Variants in PARVB observed in about 807,000 individuals in gnomAD.
PARVB encodes the protein beta-parvin.
A neutral mutation model predicts 47.0 loss-of-function variants in PARVB; 46 were observed. The observed-to-expected ratio is 0.98, with a 90% confidence interval of 0.77 to 1.25. The LOEUF is 1.25. Among genes scored for constraint, PARVB ranks in the 50% most tolerant of loss-of-function variants. PARVB has a pLI of 0.00. For missense variants in PARVB, 473 were observed against 471.6 expected (o/e 1.00, Z -0.03); for synonymous variants, 196 against 196.3 (o/e 1.00, Z 0.01).
intron 1 of PARVB, among the ~76,000 whole-genome samples, chr22:44,050,601 G>T (rs1030093316): frequency 6.6e-6 from 1 of 152,102 alleles, no homozygotes. Flanking sequence ...GCCTCCTAAA[G>T]TGCTGGGACT....
intron 9 of PARVB, chr22:44,150,759 A>G (rs1220614955): frequency 6.6e-6 from 1 of 152,228 alleles, no homozygotes; most frequent in Non-Finnish European, 1.5e-5. Flanking sequence ...GCAGTGGCTC[A>G]CGCCTATAAT....
At chr22:44,012,221 G>A (rs925088589) in intron 2 of PARVB, among the ~76,000 whole-genome samples, 2 of 152,172 alleles carry the variant, frequency 1.3e-5, no homozygotes, top group Non-Finnish European at 2.9e-5. Flanking sequence ...GGAACAAAAC[G>A]CATATGTGGT....
intron 2 of PARVB, among the ~76,000 whole-genome samples, chr22:44,016,490 G>A (rs553141015): frequency 3.6e-4 from 55 of 152,080 alleles, no homozygotes; most frequent in Non-Finnish European, 5.7e-4. Flanking sequence ...AATGAATCTC[G>A]GGTATCACCC....
In PARVB at chr22:44,068,369, G is replaced by A. The variant is rs968691211; in HGVS notation, c.113-25559G>A. On this transcript the variant is annotated intron_variant, in intron 1 of 12. Transcript: ENST00000338758. The surrounding 1 kb of genome is among the most constrained non-coding windows in gnomAD (Gnocchi z 4.1). Reference sequence around the variant, plus strand: ...CTGGTAGGGAGGGGCTGGGCCTGGTGTTATAAACCAGGAGAGGGTTCAGGC... The same window carrying A: ...CTGGTAGGGAGGGGCTGGGCCTGGTATTATAAACCAGGAGAGGGTTCAGGC... 1.1e-4 allele frequency among the ~76,000 whole-genome samples: 16 copies of A among 152,160 alleles called. No individual in the cohort carries two copies. The highest frequency in any genetic ancestry group is 1.9e-4 in the Non-Finnish European group (13 of 68,036).
At chr22:44,009,410 AATC>A (rs1369544192) in intron 2 of PARVB, 1 of 149,502 alleles carries the variant, frequency 6.7e-6, no homozygotes, top group Admixed American at 6.6e-5. Flanking sequence ...TCAGTTTTGA[AATC>A]AGTTTTGAAA....
In PARVB at chr22:44,103,543, C is replaced by A. The variant is rs1569115819; in HGVS notation, c.273+3420C>A. ...AGGGAACCTGGGCCAGAATCATGGT[C>A]CCCAAAGATGACCATGTGATAATCC... is the stretch of plus-strand genomic sequence containing the variant. On this transcript the variant is annotated intron_variant, in intron 3 of 12. Coordinates refer to ENST00000338758, the MANE Select transcript of PARVB (RefSeq NM_013327.5). This position sits in a 1 kb window ranked among gnomAD's most constrained non-coding sequence, Gnocchi z 4.6. 1.3e-5 allele frequency: 2 copies of A among 152,294 alleles called. No individual in the cohort carries two copies. Among genetic ancestry groups the A allele is most frequent in the South Asian group, 4.1e-4 (2 of 4,820 alleles). The allele number at this position is 152,294 out of a possible 1,614,324, so 9.4% of individuals were successfully genotyped here.
chr22:44,163,281 C>A (rs1182872660), intron 11 of PARVB, among the ~76,000 whole-genome samples: 1 of 152,106 alleles, frequency 6.6e-6, no homozygotes, highest in Non-Finnish European at 1.5e-5. Flanking sequence ...ACTAGCCTGA[C>A]CAACATGGCA....
chr22:44,012,645 G>T (rs1037379115), intron 2 of PARVB, among the ~76,000 whole-genome samples: 1 of 152,012 alleles, frequency 6.6e-6, no homozygotes, highest in African/African-American at 2.4e-5. Flanking sequence ...TTTCTCCATC[G>T]CACATCAATT....
intron 8 of PARVB, chr22:44,146,626 C>T (rs1363157927): frequency 1.3e-5 from 2 of 152,374 alleles, no homozygotes; most frequent in African/African-American, 2.4e-5. Flanking sequence ...AACTTCTCTC[C>T]GTAGGTCTCT....
At position 44,171,020 on chromosome 22, in the gene PARVB, C is replaced by G. The variant is rs761595963; in HGVS notation, c.*2342C>G. Reference sequence around the variant, plus strand: ...TAAAACAGCATTACGGTGTCTCTTGCGGGATGCAGTGACATTCAAAAGCCA... The same window carrying G: ...TAAAACAGCATTACGGTGTCTCTTGGGGGATGCAGTGACATTCAAAAGCCA... On this transcript the variant is annotated 3_prime_UTR_variant, in exon 13 of 13. Coordinates refer to ENST00000338758, the MANE Select transcript of PARVB (RefSeq NM_013327.5). 6.6e-6 allele frequency: 1 copy of G among 152,248 alleles called. No individual in the cohort carries two copies. Among genetic ancestry groups the G allele is most frequent in the African/African-American group, 2.4e-5 (1 of 41,454 alleles). The allele number at this position is 152,248 out of a possible 1,614,324, so 9.4% of individuals were successfully genotyped here.
At chr22:44,076,648 C>G (rs777414557) in intron 1 of PARVB, among the ~76,000 whole-genome samples, 17 of 152,130 alleles carry the variant, frequency 1.1e-4, no homozygotes, top group Non-Finnish European at 1.9e-4. Context: ...TATAGGCGTG[C>G]CTGGGTCCTG....
At chr22:44,025,816 C>CA (rs1435665539) in intron 1 of PARVB, among the ~76,000 whole-genome samples, 1 of 152,204 alleles carries the variant, frequency 6.6e-6, no homozygotes, top group Non-Finnish European at 1.5e-5. Flanking sequence ...ATTATAGACG[C>CA]AAGTGACGCT....
intron 1 of PARVB, among the ~76,000 whole-genome samples, chr22:44,071,418 A>C (rs1434937866): frequency 6.6e-6 from 1 of 152,180 alleles, no homozygotes; most frequent in Non-Finnish European, 1.5e-5. Context: ...GCTGTGCTGA[A>C]TGTGTTTTTC....
intron 1 of PARVB, among the ~76,000 whole-genome samples, chr22:44,066,785 TC>T (rs2051534483): frequency 7.5e-6 from 1 of 133,838 alleles, no homozygotes; most frequent in Non-Finnish European, 1.6e-5. Context: ...TTATTTCTCC[TC>T]CTCCTCCTCC....
At chr22:44,160,643 G>A (rs957064749) in intron 11 of PARVB, among the ~76,000 whole-genome samples, 2 of 152,210 alleles carry the variant, frequency 1.3e-5, no homozygotes, top group Non-Finnish European at 2.9e-5. Context: ...GGCTGGGGGA[G>A]GAGGCATGGC....
intron 1 of PARVB, among the ~76,000 whole-genome samples, chr22:44,079,466 A>G (rs1452477616): frequency 6.6e-6 from 1 of 152,180 alleles, no homozygotes; most frequent in Non-Finnish European, 1.5e-5. Flanking sequence ...GAAAACGTCA[A>G]GCAGTTAGCT....
intron 1 of PARVB, among the ~76,000 whole-genome samples, chr22:44,074,135 T>A (rs1404710724): frequency 2.0e-5 from 3 of 151,980 alleles, no homozygotes; most frequent in Non-Finnish European, 4.4e-5. Context: ...TGAGTGGGGG[T>A]CCTGGAAGGG....
chr22:44,158,806 T>C (rs2053991324), intron 11 of PARVB, among the ~76,000 whole-genome samples: 1 of 152,274 alleles, frequency 6.6e-6, no homozygotes, highest in Non-Finnish European at 1.5e-5. Flanking sequence ...ATGGATGGTC[T>C]ATGTTGCTTT....
At chr22:44,059,975 G>T (rs2051389408) in intron 1 of PARVB, among the ~76,000 whole-genome samples, 1 of 152,006 alleles carries the variant, frequency 6.6e-6, no homozygotes. Context: ...GTTGTGGGAA[G>T]GCGGAAAGGG....
Sources: gnomAD v4.1 joint callset for allele counts (sites outside exome capture counted in the v4.1 genomes callset) on GRCh38, gnomAD v4.1.1 for gene constraint, Gnocchi (gnomAD v3.1) non-coding constraint, MANE v1.5 for transcripts, NCBI Gene and HGNC (gene_info 2026-07-23, HGNC 2026-07-21) for gene names.